The following STAB2 variants were observed in gnomAD, a reference collection of about 807,000 sequenced individuals.
STAB2 encodes stabilin-2.
STAB2 carries 288 observed loss-of-function variants against 338.1 expected under a neutral mutation model. The ratio of observed to expected loss-of-function variants is 0.85; its 90% CI spans 0.77 to 0.94. STAB2 has a LOEUF of 0.94. STAB2 is among the 40% of genes least tolerant of loss of function. The pLI, the probability that STAB2 is intolerant of heterozygous loss-of-function variation, is 0.00. For synonymous variants in STAB2, 1,202 were observed against 1,193.3 expected (o/e 1.01, Z -0.15); for missense variants, 3,141 against 3,210.1 (o/e 0.98, Z 0.52).
intron 18 of STAB2, among the ~76,000 whole-genome samples, chr12:103,665,437 G>A (rs1874994381): frequency 6.6e-6 from 1 of 152,182 alleles, no homozygotes; most frequent in Non-Finnish European, 1.5e-5. Context: ...CAGGGCTAAG[G>A]AAACGAATAA....
chr12:103,763,739 T>TA (rs1884711226), intron 68 of STAB2, 131 bp downstream of exon 68: 1 of 891,736 alleles, frequency 1.1e-6, no homozygotes, highest in South Asian at 1.8e-5. Context: ...GTAACAAGCC[T>TA]AAAAGCCAGT....
intron 3 of STAB2, among the ~76,000 whole-genome samples, chr12:103,595,932 G>A (rs1956868620): frequency 6.6e-6 from 1 of 152,146 alleles, no homozygotes; most frequent in Non-Finnish European, 1.5e-5. Flanking sequence ...GGAAATGCCT[G>A]GATTAGACTC....
chr12:103,620,054 T>C (rs1957274535), intron 3 of STAB2, among the ~76,000 whole-genome samples: 1 of 152,168 alleles, frequency 6.6e-6, no homozygotes, highest in Non-Finnish European at 1.5e-5. Flanking sequence ...GGCCTGGCCT[T>C]AGTCAAGCCA....
At chr12:103,692,661 G>T in intron 30 of STAB2, 151 bp from the exon 31 acceptor site, 1 of 580,862 alleles carries the variant, frequency 1.7e-6, no homozygotes, top group Non-Finnish European at 3.1e-6. Flanking sequence ...GGGGTCTATG[G>T]GACAACAAGT....
chr12:103,656,677 A>ATTTTT (rs62855260), intron 15 of STAB2, among the ~76,000 whole-genome samples: 8 of 118,970 alleles, frequency 6.7e-5, no homozygotes, highest in South Asian at 2.6e-4. Context: ...AAAACTTAGG[A>ATTTTT]TTTTTTTTTT....
At position 103,749,496 on chromosome 12, in the gene STAB2, TTCTA is replaced by T. The variant is rs1465677258; in HGVS notation, c.6438+349_6438+352del. On this transcript the variant is annotated intron_variant, in intron 59 of 68. Coordinates refer to ENST00000388887, the MANE Select transcript of STAB2 (RefSeq NM_017564.10). ...AGGAGAGTTTGCTCTTTGGCCACCCTTCTATCTATCTAAAATTATCCTAAATAAA... is the reference window on the plus strand; with the variant it reads ...AGGAGAGTTTGCTCTTTGGCCACCCTTCTATCTAAAATTATCCTAAATAAA... 2.6e-5 allele frequency among the ~76,000 whole-genome samples: 4 copies of T among 152,016 alleles called. No individual in the cohort carries two copies. The East Asian group carries it at 7.7e-4, about 29-fold the overall frequency.
intron 46 of STAB2, among the ~76,000 whole-genome samples, chr12:103,726,368 T>TGTA (rs1881206763): frequency 6.6e-6 from 1 of 152,176 alleles, no homozygotes; most frequent in South Asian, 2.1e-4. Context: ...GGCGCAGGCC[T>TGTA]GTAGTCCCAG....
intron 49 of STAB2, among the ~76,000 whole-genome samples, chr12:103,730,622 A>G (rs1234887149): frequency 6.6e-6 from 1 of 152,190 alleles, no homozygotes; most frequent in East Asian, 1.9e-4. Flanking sequence ...CCACAGCAGA[A>G]CACAGAATCC....
intron 63 of STAB2, among the ~76,000 whole-genome samples, chr12:103,757,552 C>T (rs1395514623): frequency 5.3e-5 from 8 of 152,216 alleles, no homozygotes; most frequent in Non-Finnish European, 1.2e-4. Flanking sequence ...CCCCAGGGTC[C>T]CCCTTCTGTC....
chr12:103,743,023 C>CTTTTTTTTT (rs34478982), intron 56 of STAB2, among the ~76,000 whole-genome samples: 1 of 134,746 alleles, frequency 7.4e-6, no homozygotes, highest in Non-Finnish European at 1.5e-5. Context: ...ATTTTTTTTT[C>CTTTTTTTTT]TTTTTTTTTT....
rs547560002 is a variant in STAB2 at position 103,714,705 on chromosome 12, A to G, written c.4537+937A>G. 9.0e-4 allele frequency among the ~76,000 whole-genome samples: 136 copies of G among 151,142 alleles called. No individual in the cohort carries two copies. The Middle Eastern group carries it at 0.024, about 27-fold the overall frequency. The stretch of plus-strand genomic sequence containing the variant: ...CCATTTCCAAAAAAAAAAAAAAACC[A>G]TTTAGCCCTGTTTATCATTTGCTCT... On this transcript the variant is annotated intron_variant, in intron 42 of 68. Transcript: ENST00000388887.
chr12:103,649,893 C>T (rs1206611447), intron 10 of STAB2, among the ~76,000 whole-genome samples: 1 of 152,040 alleles, frequency 6.6e-6, no homozygotes, highest in Non-Finnish European at 1.5e-5. Flanking sequence ...TCCTGTTGAC[C>T]TTTCACCTTC....
chr12:103,741,820 C>CCA (rs907020636), intron 55 of STAB2, among the ~76,000 whole-genome samples: 6 of 152,160 alleles, frequency 3.9e-5, no homozygotes, highest in Non-Finnish European at 5.9e-5. Context: ...ACCCAAGGTC[C>CCA]CACTGGTCTG....
intron 3 of STAB2, among the ~76,000 whole-genome samples, chr12:103,603,877 T>C (rs564270659): frequency 6.6e-6 from 1 of 152,346 alleles, no homozygotes; most frequent in South Asian, 2.1e-4. Context: ...TACTTAGGAC[T>C]TCTTTTATTT....
chr12:103,685,467 T>TGCGC (rs1441057772), intron 27 of STAB2, among the ~76,000 whole-genome samples: 1 of 140,540 alleles, frequency 7.1e-6, no homozygotes, highest in East Asian at 2.5e-4. Context: ...CGTGCGTGTG[T>TGCGC]GTGTGCGTGC....
chr12:103,722,275 C>T (rs920648545), intron 44 of STAB2, among the ~76,000 whole-genome samples: 7 of 152,172 alleles, frequency 4.6e-5, no homozygotes, highest in Non-Finnish European at 1.0e-4. Flanking sequence ...AGGAAAACCA[C>T]TTATCAAGTA....
rs373216544 is a variant in STAB2, at chr12:103,675,882, C to T, written c.2553-46C>T. The T allele has an allele frequency of 4.5e-5, 68 of 1,497,612 alleles. No individual in the cohort carries two copies. In the Middle Eastern group the frequency reaches 7.0e-4, roughly 15 times the overall value. 92.8% of individuals were successfully genotyped at this position (1,497,612 alleles called of 1,614,324 possible). A position where few individuals can be genotyped will look rare whatever the true frequency, so the allele number is the denominator to read the frequency against. ...CTAGCTGGCTGGCTCTCTTCTGGGT[C>T]GTTGGTGCTTATTCTGGGGCTGATA... On this transcript the variant is annotated intron_variant, in intron 23 of 68. Coordinates refer to ENST00000388887, the MANE Select transcript of STAB2 (RefSeq NM_017564.10).
chr12:103,750,540 G>C, intron 59 of STAB2, 39 bp from the exon 60 acceptor site: 1 of 1,609,180 alleles, frequency 6.2e-7, no homozygotes, highest in Non-Finnish European at 8.5e-7. Context: ...GGGTCCTAGA[G>C]AAGGAACTTT....
At chr12:103,635,248 G>A (rs1216616417) in intron 6 of STAB2, among the ~76,000 whole-genome samples, 1 of 152,172 alleles carries the variant, frequency 6.6e-6, no homozygotes, top group Non-Finnish European at 1.5e-5. Context: ...CAGCTCCAAA[G>A]CCACCCTTTT....
Sources: gnomAD v4.1 joint callset for allele counts (sites outside exome capture counted in the v4.1 genomes callset) on GRCh38, gnomAD v4.1.1 for gene constraint, MANE v1.5 for transcripts, NCBI Gene and HGNC (gene_info 2026-07-23, HGNC 2026-07-21) for gene names.